Variants in KLF8 observed in about 807,000 individuals in gnomAD.
The protein encoded by KLF8 is KLF transcription factor 8, also known as Krueppel-like factor 8.
Under a neutral mutation model 18.2 loss-of-function variants are expected in KLF8, and 10 were observed. The ratio of observed to expected loss-of-function variants is 0.55; its 90% CI spans 0.34 to 0.93. KLF8 has a LOEUF of 0.93. Among genes scored for constraint, KLF8 ranks in the 40% least tolerant of loss-of-function variants. The pLI, the probability that KLF8 is intolerant of heterozygous loss-of-function variation, is 0.02. For synonymous variants in KLF8, 109 were observed against 97.3 expected (o/e 1.12, Z -0.71); for missense variants, 264 against 277.9 (o/e 0.95, Z 0.36).
At chrX:56,172,779 C>A in the KLF8 span, among the ~76,000 whole-genome samples, 1 of 111,873 alleles carries the variant, frequency 8.9e-6, no homozygotes, top group South Asian at 3.7e-4. Context: ...TGTTTCCTGA[C>A]TTTTTCATAA....
chrX:56,058,222 A>G, the KLF8 span, among the ~76,000 whole-genome samples: 2 of 68,246 alleles, frequency 2.9e-5, no homozygotes, highest in Admixed American at 1.7e-4. Flanking sequence ...ATATACGTGT[A>G]TATATATATA....
chrX:56,093,964 G>A, the KLF8 span, among the ~76,000 whole-genome samples: 2 of 103,765 alleles, frequency 1.9e-5, no homozygotes, highest in Non-Finnish European at 4.0e-5. Context: ...AGAGAGAACC[G>A]AATGCTAAGA....
chrX:55,916,546 A>C, the KLF8 span, among the ~76,000 whole-genome samples: 12 of 105,515 alleles, frequency 1.1e-4, no homozygotes, highest in Non-Finnish European at 1.9e-5. Flanking sequence ...TTATCTTATT[A>C]ATCATCATAA....
the KLF8 span, among the ~76,000 whole-genome samples, chrX:56,224,350 C>A: frequency 1.8e-5 from 2 of 111,213 alleles, no homozygotes; most frequent in African/African-American, 6.5e-5. Flanking sequence ...CTAATTATAT[C>A]AAAACTACAA....
the KLF8 span, among the ~76,000 whole-genome samples, chrX:55,945,356 G>T: frequency 9.0e-6 from 1 of 111,320 alleles, no homozygotes; most frequent in Non-Finnish European, 1.9e-5. Flanking sequence ...TCCACTTGGT[G>T]CAGAGCTGAG....
At chrX:56,134,628 G>A in the KLF8 span, among the ~76,000 whole-genome samples, 5 of 111,227 alleles carry the variant, frequency 4.5e-5, no homozygotes, top group South Asian at 3.7e-4. Context: ...GAACCCAAAA[G>A]CAAATGCAAC....
At chrX:55,909,525 C>T in the KLF8 span, among the ~76,000 whole-genome samples, 1 of 112,570 alleles carries the variant, frequency 8.9e-6, no homozygotes, top group Non-Finnish European at 1.9e-5. Flanking sequence ...AATGTCAAGG[C>T]CATGCAGAGT....
At chrX:55,925,931 G>A in the KLF8 span, among the ~76,000 whole-genome samples, 1 of 111,823 alleles carries the variant, frequency 8.9e-6, no homozygotes, top group South Asian at 3.7e-4. Flanking sequence ...TTTTGGTACA[G>A]ACATGCAATA....
the KLF8 span, among the ~76,000 whole-genome samples, chrX:56,164,553 T>C: frequency 1.1e-5 from 1 of 94,112 alleles, no homozygotes; most frequent in East Asian, 3.4e-4. Context: ...AATGTGTAAG[T>C]ATTGTTTCAA....
At chrX:56,044,366 C>T in the KLF8 span, among the ~76,000 whole-genome samples, 1 of 112,146 alleles carries the variant, frequency 8.9e-6, no homozygotes, top group South Asian at 3.7e-4. Flanking sequence ...TACTTTTTGT[C>T]CAGACTGCCT....
the KLF8 span, among the ~76,000 whole-genome samples, chrX:55,934,200 A>G: frequency 8.9e-6 from 1 of 111,755 alleles, no homozygotes; most frequent in Non-Finnish European, 1.9e-5. Context: ...ATCTATTCTA[A>G]CCACTGTATT....
chrX:55,968,115 C>CCAAA, the KLF8 span, among the ~76,000 whole-genome samples: 8 of 110,777 alleles, frequency 7.2e-5, no homozygotes, highest in Non-Finnish European at 1.3e-4. Flanking sequence ...ACACTATAGA[C>CCAAA]CAAATGTGTC....
chrX:56,020,397 A>G, the KLF8 span, among the ~76,000 whole-genome samples: 2 of 112,263 alleles, frequency 1.8e-5, no homozygotes, highest in African/African-American at 6.5e-5. Flanking sequence ...GGCTTTTGTG[A>G]TAAGTCCATG....
At chrX:56,210,726 A>AT in the KLF8 span, among the ~76,000 whole-genome samples, 99 of 106,361 alleles carry the variant, frequency 9.3e-4, 2 homozygotes, top group Non-Finnish European at 1.3e-3. Flanking sequence ...TCATTTTTAA[A>AT]TTTTTTTTTT....
In KLF8 at chrX:56,286,817, A is replaced by G. The variant is rs1198490336; in HGVS notation, c.*2323A>G. 8.9e-6 allele frequency: 1 copy of G among 112,058 alleles called. No homozygotes were observed. The highest frequency in any genetic ancestry group is 3.2e-5 in the African/African-American group (1 of 30,819). 9.2% of individuals were successfully genotyped at this position (112,058 alleles called of 1,213,427 possible). ...ATACAAGTTCCAAACTTGCATAATA[A>G]TTGCTAACGCACTAGGCGATATCTA... is the stretch of plus-strand genomic sequence containing the variant. On this transcript the variant is annotated 3_prime_UTR_variant, in exon 6 of 6. Transcript: ENST00000468660.
chrX:56,199,250 A>C, the KLF8 span, among the ~76,000 whole-genome samples: 1 of 112,174 alleles, frequency 8.9e-6, no homozygotes. Context: ...GGATCTAATT[A>C]AACTAAAGAG....
At chrX:56,064,014 T>C in the KLF8 span, among the ~76,000 whole-genome samples, 9 of 108,655 alleles carry the variant, frequency 8.3e-5, no homozygotes, top group Non-Finnish European at 1.7e-4. Flanking sequence ...CACACACATA[T>C]ATATAGAATG....
chrX:56,268,739 T>C (rs2067003907), intron 3 of KLF8: 4 of 772,017 alleles, frequency 5.2e-6, no homozygotes, highest in African/African-American at 2.3e-5. Context: ...AAGGTTTCAC[T>C]GGATCTAGGA....
At chrX:56,137,913 A>G in the KLF8 span, among the ~76,000 whole-genome samples, 1 of 109,259 alleles carries the variant, frequency 9.2e-6, no homozygotes, top group East Asian at 2.9e-4. Context: ...AACAAAACTA[A>G]AATTTAGCTC....
Sources: allele counts gnomAD v4.1 joint callset (sites outside exome capture counted in the v4.1 genomes callset), GRCh38; gene constraint gnomAD v4.1.1; transcripts MANE v1.5; gene names NCBI Gene and HGNC (gene_info 2026-07-23, HGNC 2026-07-21).